Variants in EPB41L3 observed in about 807,000 individuals in gnomAD.
EPB41L3 encodes band 4.1-like protein 3.
In EPB41L3, 57 loss-of-function variants were observed where a neutral mutation model predicts 127.1. The ratio of observed to expected loss-of-function variants is 0.45; its 90% confidence interval spans 0.36 to 0.56. EPB41L3 has a LOEUF of 0.56. EPB41L3 is among the 20% of genes least tolerant of loss of function. The pLI is 0.00. For synonymous variants in EPB41L3, 572 were observed against 549.5 expected, an observed-to-expected ratio of 1.04 and a Z score of -0.57; for missense variants, 1,273 against 1,372.2, an observed-to-expected ratio of 0.93 and a Z score of 1.14.
chr18:5,495,429 C>CAAA (rs33932743), intron 1 of EPB41L3, among the ~76,000 whole-genome samples: 4 of 142,758 alleles, frequency 2.8e-5, no homozygotes, highest in African/African-American at 1.0e-4. Flanking sequence ...CTAAATGAAA[C>CAAA]AGTAAGGCCA....
chr18:5,541,474 T>G (rs2093729105), intron 1 of EPB41L3, among the ~76,000 whole-genome samples: 1 of 151,558 alleles, frequency 6.6e-6, no homozygotes, highest in African/African-American at 2.4e-5. Flanking sequence ...CCTGCCACAC[T>G]TAATCTAATA....
rs186381711 is a variant in EPB41L3, at chr18:5,496,379, A to G, written c.-11-7185T>C. 2.4e-3 allele frequency among the ~76,000 whole-genome samples: 366 copies of G among 152,370 alleles called. 5 individuals are homozygous for G. Among genetic ancestry groups the G allele is most frequent in the Non-Finnish European group, 5.3e-4 (36 of 68,046 alleles). On this transcript the variant is annotated intron_variant, in intron 1 of 22. Coordinates refer to ENST00000341928, the MANE Select transcript of EPB41L3 (RefSeq NM_012307.5). ...GTTGATCCCACATGTACCCAAATAC[A>G]TTTTAATAAGCAAAGGAAGCAGCTG...
At position 5,397,519 on chromosome 18, in the gene EPB41L3, C is replaced by T; in HGVS notation, c.2473-93G>A. On this transcript the variant is annotated intron_variant, in intron 17 of 22. Transcript: ENST00000341928. This position sits in a 1 kb window ranked among gnomAD's most constrained non-coding sequence, Gnocchi z 4.1. ...CTGCCACTCGCCAGGATGTCTAAAG[C>T]CAGCAGCAAGTGCTTATAACCAGAA... is the stretch of plus-strand genomic sequence containing the variant. The T allele has an allele frequency of 6.9e-7, 1 of 1,444,308 alleles. No homozygotes were observed. The highest frequency in any genetic ancestry group is 2.3e-5 in the East Asian group (1 of 43,294). The allele number at this position is 1,444,308 out of a possible 1,614,324, so 89.5% of individuals were successfully genotyped here.
chr18:5,410,236 T>C (rs2076031428), intron 14 of EPB41L3, among the ~76,000 whole-genome samples: 1 of 151,842 alleles, frequency 6.6e-6, no homozygotes, highest in Non-Finnish European at 1.5e-5. Context: ...AAAAAATGTA[T>C]TATCAGTCTA....
Position 5,416,290 on chromosome 18 carries a change from C to T in EPB41L3, c.1595G>A (p.Cys532Tyr), listed in dbSNP as rs148074485. Residue 532 changes from cysteine (C) to tyrosine (Y), a missense_variant, in exon 13 of 23, where the codon TGT becomes TAT. Transcript: ENST00000341928. ...PTSPTELRRR[C>Y]KENDCKLPGY... is the part of the protein sequence containing the mutation. ...TGGCAGTTTGCAGTCATTCTCCTTACACCTCCTACGGAGCTCTGTGGGAGA... is the reference window on the plus strand; with the variant it reads ...TGGCAGTTTGCAGTCATTCTCCTTATACCTCCTACGGAGCTCTGTGGGAGA... The T allele has an allele frequency of 9.3e-6, 15 of 1,614,016 alleles. No individual in the cohort carries two copies. Among genetic ancestry groups the T allele is most frequent in the Non-Finnish European group, 1.3e-5 (15 of 1,180,036 alleles).
At chr18:5,437,600 G>A in intron 6 of EPB41L3, among the ~76,000 whole-genome samples, 1 of 152,048 alleles carries the variant, frequency 6.6e-6, no homozygotes, top group East Asian at 1.9e-4. Flanking sequence ...CATTTTCCTT[G>A]TATATACAGG....
intron 3 of EPB41L3, among the ~76,000 whole-genome samples, chr18:5,554,569 C>T (rs1333137519): frequency 6.6e-6 from 1 of 152,162 alleles, no homozygotes; most frequent in East Asian, 1.9e-4. Flanking sequence ...TAGGCAGCAA[C>T]TCCCAATCAC....
rs531134462 is a variant in EPB41L3, at chr18:5,470,493, G to A, written c.381+7748C>T. ...AGACAAATAATAATTAAAACCCAAA[G>A]GATTCACTCTTGTTAAAAAAAATAG... On this transcript the variant is annotated intron_variant, in intron 3 of 22. Transcript: ENST00000341928. 4.0e-4 allele frequency among the ~76,000 whole-genome samples: 61 copies of A among 152,210 alleles called. No homozygotes were observed. In the South Asian group the frequency reaches 8.5e-3, roughly 21 times the overall value.
rs1480670784 is a variant in EPB41L3 at position 5,424,437 on chromosome 18, CATG to C, written c.1066-81_1066-79del. The C allele has an allele frequency of 6.2e-6, 7 of 1,137,118 alleles. No individual in the cohort carries two copies. The East Asian group carries it at 1.6e-4, about 25-fold the overall frequency. 70.4% of individuals were successfully genotyped at this position (1,137,118 alleles called of 1,614,324 possible). On this transcript the variant is annotated intron_variant, in intron 9 of 22. Transcript: ENST00000341928. ...AAGCCCTGTAAATAAATTACAGAAT[CATG>C]ATGCCACCAGAATTTTAAAAATTTA...
chr18:5,460,546 TA>T (rs1487197685), intron 3 of EPB41L3, among the ~76,000 whole-genome samples: 6 of 152,348 alleles, frequency 3.9e-5, no homozygotes, highest in African/African-American at 1.4e-4. Context: ...CTCACATACA[TA>T]ATGAGGAGCA....
At chr18:5,466,652 A>G (rs1303698425) in intron 3 of EPB41L3, among the ~76,000 whole-genome samples, 4 of 152,208 alleles carry the variant, frequency 2.6e-5, no homozygotes, top group African/African-American at 9.6e-5. Flanking sequence ...TCTGTGTCAA[A>G]AAGTGCTCAT....
intron 1 of EPB41L3, among the ~76,000 whole-genome samples, chr18:5,542,388 G>A (rs773208921): frequency 1.2e-4 from 18 of 152,176 alleles, no homozygotes; most frequent in African/African-American, 2.2e-4. Flanking sequence ...GACGCTTCCT[G>A]TACTATAGAA....
At chr18:5,473,964 GCTCACAC>G (rs2147736932) in intron 3 of EPB41L3, among the ~76,000 whole-genome samples, 1 of 152,234 alleles carries the variant, frequency 6.6e-6, no homozygotes, top group South Asian at 2.1e-4. Flanking sequence ...GGGTGTGGTG[GCTCACAC>G]CTGTAATCCC....
chr18:5,608,451 C>T (rs2094688068), intron 3 of EPB41L3, among the ~76,000 whole-genome samples: 1 of 152,162 alleles, frequency 6.6e-6, no homozygotes, highest in South Asian at 2.1e-4. Context: ...GCACATCATA[C>T]ACTGCAACAG....
chr18:5,539,155 G>GA (rs1469607152), intron 1 of EPB41L3, among the ~76,000 whole-genome samples: 1 of 151,912 alleles, frequency 6.6e-6, no homozygotes, highest in African/African-American at 2.4e-5. Flanking sequence ...TCCTCATCAA[G>GA]CACCCACCCA....
intron 1 of EPB41L3, among the ~76,000 whole-genome samples, chr18:5,536,502 T>TAA (rs201022441): frequency 6.9e-6 from 1 of 144,986 alleles, no homozygotes. Context: ...CTGTTACATT[T>TAA]AAAAAAAAAA....
chr18:5,403,395 CATT>C (rs1219431591), intron 16 of EPB41L3, among the ~76,000 whole-genome samples: 1 of 152,054 alleles, frequency 6.6e-6, no homozygotes. Context: ...AACATAACAT[CATT>C]ATTAGCTTGC....
intron 1 of EPB41L3, among the ~76,000 whole-genome samples, chr18:5,622,702 A>T (rs1008409914): frequency 2.0e-5 from 3 of 152,204 alleles, no homozygotes; most frequent in Admixed American, 2.0e-4. Context: ...TTGTAGCAGC[A>T]ACTGCTTTTA....
At chr18:5,501,971 T>C (rs1206193187) in intron 1 of EPB41L3, among the ~76,000 whole-genome samples, 1 of 152,182 alleles carries the variant, frequency 6.6e-6, no homozygotes, top group Non-Finnish European at 1.5e-5. Context: ...GCTCCCCATT[T>C]ATGCCTCAAA....
Sources: gnomAD v4.1 joint callset for allele counts (sites outside exome capture counted in the v4.1 genomes callset) on GRCh38, gnomAD v4.1.1 for gene constraint, Gnocchi (gnomAD v3.1) non-coding constraint, MANE v1.5 for transcripts, NCBI Gene and HGNC (gene_info 2026-07-23, HGNC 2026-07-21) for gene names.